Variants in ZSCAN25 observed in about 807,000 individuals in gnomAD.
ZSCAN25 encodes the protein zinc finger and SCAN domain containing 25, also known as zinc finger and SCAN domain-containing protein 25.
A neutral mutation model predicts 38.7 loss-of-function variants in ZSCAN25; 27 were observed. That is an observed-to-expected ratio of 0.70 (90% CI 0.51 to 0.96). The LOEUF (loss-of-function observed/expected upper bound fraction) is 0.96. Among genes scored for constraint, ZSCAN25 ranks in the 40% least tolerant of loss-of-function variants. The pLI is 0.00. For synonymous variants in ZSCAN25, 273 were observed against 277.7 expected (o/e 0.98, Z 0.17); for missense variants, 637 against 705.9 (o/e 0.90, Z 1.11).
the ZSCAN25 span, among the ~76,000 whole-genome samples, chr7:99,688,523 A>C: frequency 6.6e-6 from 1 of 152,206 alleles, no homozygotes; most frequent in Non-Finnish European, 1.5e-5. Flanking sequence ...TTCATAAAGC[A>C]AGTCCTTAGT....
the ZSCAN25 span, among the ~76,000 whole-genome samples, chr7:99,676,737 A>G: frequency 6.6e-6 from 1 of 152,094 alleles, no homozygotes; most frequent in African/African-American, 2.4e-5. Flanking sequence ...CTAAGCTCTG[A>G]CCCTGTTTTA....
chr7:99,618,888 C>T (rs975612557), intron 2 of ZSCAN25, among the ~76,000 whole-genome samples, 160 bp from the exon 3 acceptor site: 1 of 152,158 alleles, frequency 6.6e-6, no homozygotes, highest in Non-Finnish European at 1.5e-5. Context: ...TTCTTGGACA[C>T]CCAGAGTAAT....
chr7:99,659,487 T>G, the ZSCAN25 span: 1 of 154,328 alleles, frequency 6.5e-6, no homozygotes, highest in African/African-American at 2.4e-5. Context: ...CTGCCCCTAC[T>G]GGGGGGTGCC....
chr7:99,677,211 C>G, the ZSCAN25 span: 8 of 985,270 alleles, frequency 8.1e-6, no homozygotes, highest in East Asian at 3.4e-4. Context: ...CAGACCTTCC[C>G]CCTCCGGTGT....
At chr7:99,683,857 G>T in the ZSCAN25 span, among the ~76,000 whole-genome samples, 1 of 152,136 alleles carries the variant, frequency 6.6e-6, no homozygotes, top group Non-Finnish European at 1.5e-5. Flanking sequence ...CCACCATCTG[G>T]CTGCCACCCA....
the ZSCAN25 span, chr7:99,664,197 T>C: frequency 2.9e-6 from 3 of 1,026,612 alleles, no homozygotes; most frequent in South Asian, 2.9e-5. Flanking sequence ...AAGAACATCA[T>C]GATTCTCAAC....
chr7:99,622,011 G>C (rs1807014638), intron 5 of ZSCAN25: 1 of 158,986 alleles, frequency 6.3e-6, no homozygotes, highest in African/African-American at 2.4e-5. Flanking sequence ...TGCAACCTTT[G>C]CCTCCTGGGT....
the ZSCAN25 span, among the ~76,000 whole-genome samples, chr7:99,729,140 C>A: frequency 3.9e-5 from 6 of 152,134 alleles, no homozygotes; most frequent in Non-Finnish European, 5.9e-5. Flanking sequence ...CTTAGCTCCT[C>A]CCTATTCTTA....
At chr7:99,632,989 G>GTTGTTGTTTTTTTTTTTTTTTT (rs1554412109), downstream of ZSCAN25, among the ~76,000 whole-genome samples, 1 of 128,528 alleles carries the variant, frequency 7.8e-6, no homozygotes, top group African/African-American at 3.0e-5. Context: ...ATTTTCTGTT[G>GTTGTTGTTTTTTTTTTTTTTTT]TTTTTTTTTT....
the ZSCAN25 span, chr7:99,650,098 G>A: frequency 6.2e-7 from 1 of 1,614,014 alleles, no homozygotes; most frequent in African/African-American, 1.3e-5. Context: ...AGGTTTGAAG[G>A]AGAAGTTCTG....
At chr7:99,717,243 T>A in the ZSCAN25 span, 1 of 1,613,902 alleles carries the variant, frequency 6.2e-7, no homozygotes, top group Non-Finnish European at 8.5e-7. Context: ...CACATCTCCA[T>A]ACTGGGCAAT....
chr7:99,638,556 G>T, the ZSCAN25 span: 1 of 1,544,340 alleles, frequency 6.5e-7, no homozygotes, highest in South Asian at 1.1e-5. Context: ...CGAGAGCGCG[G>T]ATCTTGTCCT....
the ZSCAN25 span, chr7:99,660,163 G>T: frequency 1.1e-6 from 1 of 921,096 alleles, no homozygotes. Context: ...TGCTCACGCT[G>T]GGAGCTGTAG....
At chr7:99,730,751 G>A in the ZSCAN25 span, 1 of 330,524 alleles carries the variant, frequency 3.0e-6, no homozygotes, top group Non-Finnish European at 5.7e-6. Flanking sequence ...TACCTTCCTG[G>A]GAACCTGCCT....
the ZSCAN25 span, chr7:99,649,976 A>AATG: frequency 6.9e-7 from 1 of 1,457,108 alleles, no homozygotes; most frequent in Non-Finnish European, 9.4e-7. Context: ...TGGCCCATAG[A>AATG]ATGAATTATT....
the ZSCAN25 span, chr7:99,660,574 A>G: frequency 1.2e-6 from 2 of 1,614,028 alleles, no homozygotes; most frequent in Non-Finnish European, 1.7e-6. Flanking sequence ...GTTCATATAA[A>G]GTGAAGGAAA....
the ZSCAN25 span, among the ~76,000 whole-genome samples, chr7:99,719,100 C>A: frequency 1.3e-5 from 2 of 152,152 alleles, no homozygotes; most frequent in African/African-American, 2.4e-5. Flanking sequence ...ACATTTAATT[C>A]AATTCTTGTT....
the ZSCAN25 span, chr7:99,735,174 G>C: frequency 6.4e-7 from 1 of 1,566,024 alleles, no homozygotes; most frequent in Non-Finnish European, 8.8e-7. Flanking sequence ...TGTGTGTGGA[G>C]CTTTCCTGCC....
the ZSCAN25 span, among the ~76,000 whole-genome samples, chr7:99,639,658 G>A: frequency 2.6e-4 from 40 of 152,210 alleles, no homozygotes; most frequent in Non-Finnish European, 5.1e-4. Context: ...GAAAGACCTG[G>A]ATTTCTACCT....
Sources: gnomAD v4.1 joint callset for allele counts (sites outside exome capture counted in the v4.1 genomes callset) on GRCh38, gnomAD v4.1.1 for gene constraint, MANE v1.5 for transcripts, NCBI Gene and HGNC (gene_info 2026-07-23, HGNC 2026-07-21) for gene names.